UBAP2: variants seen among roughly 807,000 people sequenced by gnomAD.
UBAP2 encodes the protein ubiquitin-associated protein 2.
Under a neutral mutation model 139.6 loss-of-function variants are expected in UBAP2, and 75 were observed. The observed-to-expected ratio is 0.54, with a 90% confidence interval of 0.45 to 0.65. UBAP2 has a LOEUF of 0.65. Ranked by LOEUF, UBAP2 falls within the 30% of genes least tolerant of loss-of-function variation. The pLI is 0.00. For synonymous variants in UBAP2, 526 were observed against 526.2 expected (o/e 1.00, Z 0.01); for missense variants, 1,368 against 1,369.6 (o/e 1.00, Z 0.02).
At chr9:33,972,173 C>T (rs764859224) in intron 7 of UBAP2, among the ~76,000 whole-genome samples, 1 of 152,192 alleles carries the variant, frequency 6.6e-6, no homozygotes, top group Non-Finnish European at 1.5e-5. Context: ...TGCTCCTTTA[C>T]AGAAACATTA....
intron 18 of UBAP2, 70 bp from the exon 19 acceptor site, chr9:33,932,698 G>A (rs1824099551): frequency 6.5e-7 from 1 of 1,535,910 alleles, no homozygotes; most frequent in African/African-American, 1.4e-5. Flanking sequence ...ACGCACGTGG[G>A]TCAGTGAGCT....
intron 2 of UBAP2, among the ~76,000 whole-genome samples, chr9:34,008,170 G>A (rs753235230): frequency 6.6e-6 from 1 of 151,782 alleles, no homozygotes; most frequent in Non-Finnish European, 1.5e-5. Flanking sequence ...AAAATTAGCC[G>A]GGCCGGGCAT....
At chr9:33,992,247 G>A (rs1821770042) in intron 4 of UBAP2, among the ~76,000 whole-genome samples, 2 of 152,026 alleles carry the variant, frequency 1.3e-5, no homozygotes. Context: ...AATTAGCCGG[G>A]CGTGGTGGCG....
intron 17 of UBAP2, 102 bp from the exon 18 acceptor site, chr9:33,933,730 A>T: frequency 1.3e-6 from 2 of 1,494,300 alleles, no homozygotes; most frequent in South Asian, 2.5e-5. Context: ...TGTCAGCCTC[A>T]GTTGAGACGT....
intron 1 of UBAP2, among the ~76,000 whole-genome samples, chr9:34,018,108 G>A (rs1325456543): frequency 6.6e-6 from 1 of 151,084 alleles, no homozygotes; most frequent in African/African-American, 2.4e-5. Context: ...GACTGCTTGA[G>A]CCCAAGAGTT....
At chr9:33,935,182 T>G (rs1824372175) in intron 17 of UBAP2, 1 of 143,208 alleles carries the variant, frequency 7.0e-6, no homozygotes. Flanking sequence ...GGGGTCTCAT[T>G]TTCTCCCAAA....
chr9:33,965,344 T>C (rs1185664365), intron 8 of UBAP2, among the ~76,000 whole-genome samples: 3 of 152,224 alleles, frequency 2.0e-5, no homozygotes, highest in Admixed American at 6.5e-5. Flanking sequence ...TTATTTTGTA[T>C]ATAAGTCCTT....
chr9:33,933,608 G>C lies in UBAP2; in HGVS notation c.1990C>G (p.Pro664Ala). The C allele has an allele frequency of 6.2e-7, 1 of 1,613,920 alleles. No individual in the cohort carries two copies. Among genetic ancestry groups the C allele is most frequent in the Non-Finnish European group, 8.5e-7 (1 of 1,180,016 alleles). The change falls in exon 18 of 29, where the codon CCC becomes GCC. Residue 664 changes from proline (P) to alanine (A), a missense_variant. By Grantham distance (27) the Pro-to-Ala change is conservative. Coordinates refer to ENST00000379238, the MANE Select transcript of UBAP2 (RefSeq NM_001370062.2). Reference protein sequence around the residue: ...TLDTPKTTGPPSALPSVSSLP... With the variant: ...TLDTPKTTGPASALPSVSSLP... ...GAGCTCACAGACGGGAGGGCAGAGG[G>C]AGGGCCTGTTGTCTTTGGAGCTGGA...
At position 34,035,514 on chromosome 9, in the gene UBAP2, A is replaced by AAAATATATATATATATATATAT; in HGVS notation, c.-42+13310_-42+13311insATATATATATATATATATATTT. ...GAGACTCCATCTAAAAAAAAAAAAAAATATATATATATAAAGATTAGCCAG... is the reference window on the plus strand; with the variant it reads ...GAGACTCCATCTAAAAAAAAAAAAAAAAATATATATATATATATATATATATATATATATAAAGATTAGCCAG... On this transcript the variant is annotated intron_variant, in intron 1 of 28. Transcript: ENST00000379238. 9.4e-3 allele frequency among the ~76,000 whole-genome samples: 210 copies of AAAATATATATATATATATATAT among 22,446 alleles called. 8 individuals carry two copies. Among genetic ancestry groups the AAAATATATATATATATATATAT allele is most frequent in the Non-Finnish European group, 0.016 (166 of 10,222 alleles). 14.7% of individuals were successfully genotyped at this position (22,446 alleles called of 152,430 possible).
In UBAP2 at chr9:33,988,985, G is replaced by C. The variant is rs775809130; in HGVS notation, c.430C>G (p.Arg144Gly). 2.5e-6 allele frequency: 4 copies of C among 1,612,162 alleles called. No homozygotes were observed. The South Asian group carries it at 4.4e-5, about 18-fold the overall frequency. ...AGTCTGTACTTACATTCTCTGCCAC[G>C]ATTGCCGCCTCTTCCTTTCCGGTTG... is the stretch of plus-strand genomic sequence containing the variant. The part of the protein sequence containing the change: ...NNNRKGRGGN[R>G]GREFRGEENG... The change falls in exon 5 of 29, where the codon CGT (arginine) becomes GGT (glycine). Residue 144 changes from arginine to glycine, a missense_variant. By Grantham distance (125) the Arg-to-Gly change is moderately radical (BLOSUM62 -2). Coordinates refer to ENST00000379238, the MANE Select transcript of UBAP2 (RefSeq NM_001370062.2).
intron 2 of UBAP2, among the ~76,000 whole-genome samples, chr9:34,015,609 G>A (rs1463229564): frequency 1.3e-5 from 2 of 152,072 alleles, no homozygotes; most frequent in Non-Finnish European, 2.9e-5. Flanking sequence ...TTACAGGCAT[G>A]AGCCACTGCG....
intron 1 of UBAP2, among the ~76,000 whole-genome samples, chr9:34,041,359 G>A (rs1587706290): frequency 1.3e-5 from 2 of 151,730 alleles, no homozygotes; most frequent in African/African-American, 4.8e-5. Context: ...CAGCTACTTG[G>A]GAGGCTGAGG....
chr9:34,038,432 G>A (rs1005143114), intron 1 of UBAP2, among the ~76,000 whole-genome samples: 14 of 152,210 alleles, frequency 9.2e-5, no homozygotes, highest in Admixed American at 5.9e-4. Flanking sequence ...GCAGGCGCGC[G>A]CCGCCACACC....
intron 16 of UBAP2, among the ~76,000 whole-genome samples, chr9:33,939,260 C>G (rs1026756842): frequency 7.8e-6 from 1 of 127,420 alleles, no homozygotes; most frequent in Non-Finnish European, 1.6e-5. Context: ...ACGGTGTGAT[C>G]TCCACTCACT....
At position 34,036,434 on chromosome 9, in the gene UBAP2, A is replaced by T. The variant is rs114980786; in HGVS notation, c.-42+12391T>A. On this transcript the variant is annotated intron_variant, in intron 1 of 28. Transcript: ENST00000379238. ...GCCCAGCCTTGATACTTGATTCTAT[A>T]GGAAGAATCTAAGAAAACTAAGGCT... Among the ~76,000 whole-genome samples the T allele has an allele frequency of 5.3e-3, 811 of 152,120 alleles. 9 individuals are homozygous for T. The highest frequency in any genetic ancestry group is 0.018 in the African/African-American group (765 of 41,506).
intron 2 of UBAP2, among the ~76,000 whole-genome samples, chr9:34,016,273 AAGGAGGAAGAGGAGGAGGAGGAAG>A (rs1564064145): frequency 9.3e-5 from 1 of 10,702 alleles, no homozygotes; most frequent in Non-Finnish European, 2.8e-4. Flanking sequence ...GGAGGAAGAG[AAGGAGGAAGAGGAGGAGGAGGAAG>A]AGGAGGAAGA....
At chr9:33,975,125 A>C (rs949236992) in intron 6 of UBAP2, among the ~76,000 whole-genome samples, 18 of 152,062 alleles carry the variant, frequency 1.2e-4, no homozygotes, top group African/African-American at 3.9e-4. Context: ...TTAAAGTAAA[A>C]AAACAGAAAA....
chr9:34,040,197 G>A lies in UBAP2; in HGVS notation c.-42+8628C>T, dbSNP rs200778832. Among the ~76,000 whole-genome samples, 42 of 151,260 alleles carry A rather than the reference G, an allele frequency of 2.8e-4. No homozygotes were observed. The East Asian group carries it at 7.4e-3, about 26-fold the overall frequency. ...AAATTAGCCAGGTGTGGTGGCACGT[G>A]CCTGTAGTCCCAGCTACTAGGGAGG... On this transcript the variant is annotated intron_variant, in intron 1 of 28. Coordinates refer to ENST00000379238, the MANE Select transcript of UBAP2 (RefSeq NM_001370062.2).
intron 10 of UBAP2, 41 bp downstream of exon 10, chr9:33,960,785 A>AC: frequency 6.3e-7 from 1 of 1,584,942 alleles, no homozygotes; most frequent in East Asian, 2.2e-5. Context: ...CATTTCAAAA[A>AC]AAAAAAAAAA....
Sources: gnomAD v4.1 joint callset for allele counts (sites outside exome capture counted in the v4.1 genomes callset) on GRCh38, gnomAD v4.1.1 for gene constraint, MANE v1.5 for transcripts, NCBI Gene and HGNC (gene_info 2026-07-23, HGNC 2026-07-21) for gene names.